The following LINGO2 variants were observed in gnomAD, a reference collection of about 807,000 sequenced individuals.
LINGO2 encodes leucine-rich repeat and immunoglobulin-like domain-containing nogo receptor-interacting protein 2.
A neutral mutation model predicts 30.6 loss-of-function variants in LINGO2; 14 were observed. That is an observed-to-expected ratio of 0.46 (90% CI 0.30 to 0.72). LINGO2 has a LOEUF of 0.72. LINGO2 is among the 30% of genes least tolerant of loss of function. LINGO2 has a pLI of 0.07. For synonymous variants in LINGO2, 317 were observed against 288.5 expected (o/e 1.10, Z -1.00); for missense variants, 729 against 751.7 (o/e 0.97, Z 0.35).
At chr9:28,878,476 A>T in the LINGO2 span, among the ~76,000 whole-genome samples, 344 of 150,484 alleles carry the variant, frequency 2.3e-3, 6 homozygotes, top group East Asian at 1.2e-3. Flanking sequence ...GAATCCTCCC[A>T]AACTCATTTT....
At chr9:28,206,099 A>C (rs1820398521) in intron 4 of LINGO2, among the ~76,000 whole-genome samples, 1 of 132,654 alleles carries the variant, frequency 7.5e-6, no homozygotes, top group African/African-American at 2.8e-5. Context: ...CAGGAGGTGG[A>C]GGTTGCAGTA....
chr9:28,870,627 G>GA, the LINGO2 span, among the ~76,000 whole-genome samples: 1 of 151,992 alleles, frequency 6.6e-6, no homozygotes, highest in African/African-American at 2.4e-5. Flanking sequence ...ATCTGGAACA[G>GA]AAAAATACCT....
chr9:29,203,397 T>C, the LINGO2 span, among the ~76,000 whole-genome samples: 3 of 152,206 alleles, frequency 2.0e-5, no homozygotes, highest in African/African-American at 7.2e-5. Flanking sequence ...ATGAACTAGA[T>C]GGTTAAGGCC....
the LINGO2 span, among the ~76,000 whole-genome samples, chr9:28,814,670 G>C: frequency 4.6e-5 from 7 of 152,196 alleles, no homozygotes; most frequent in East Asian, 1.4e-3. Flanking sequence ...GACGGATCAC[G>C]AGGTCAGGAG....
chr9:28,097,022 A>G (rs937773693), intron 4 of LINGO2, among the ~76,000 whole-genome samples: 1 of 152,118 alleles, frequency 6.6e-6, no homozygotes, highest in African/African-American at 2.4e-5. Flanking sequence ...CTTTATTATA[A>G]TAAAAGAAAC....
At chr9:28,816,666 G>C in the LINGO2 span, among the ~76,000 whole-genome samples, 2 of 152,058 alleles carry the variant, frequency 1.3e-5, no homozygotes, top group African/African-American at 4.8e-5. Context: ...AGTATCATAG[G>C]AGTTGCCTGG....
At chr9:28,839,942 A>G in the LINGO2 span, among the ~76,000 whole-genome samples, 1 of 152,072 alleles carries the variant, frequency 6.6e-6, no homozygotes, top group Non-Finnish European at 1.5e-5. Context: ...TGTGCTCATC[A>G]GTGCCCAAAG....
chr9:28,810,661 C>T, the LINGO2 span, among the ~76,000 whole-genome samples: 3 of 152,076 alleles, frequency 2.0e-5, no homozygotes, highest in African/African-American at 4.8e-5. Context: ...CACCTTCTCA[C>T]CAAAATGAAA....
chr9:28,433,914 G>GCTCGCTCTCTCTCT (rs1554720583), intron 2 of LINGO2, among the ~76,000 whole-genome samples: 1 of 83,858 alleles, frequency 1.2e-5, no homozygotes, highest in African/African-American at 4.2e-5. Flanking sequence ...AAGAAAATGT[G>GCTCGCTCTCTCTCT]CTCTCTCTTT....
At chr9:28,423,217 T>A (rs1335652801) in intron 2 of LINGO2, among the ~76,000 whole-genome samples, 1 of 152,116 alleles carries the variant, frequency 6.6e-6, no homozygotes, top group African/African-American at 2.4e-5. Flanking sequence ...TTTTAAAAAG[T>A]TTCCTTTTTT....
the LINGO2 span, among the ~76,000 whole-genome samples, chr9:29,000,324 A>T: frequency 6.6e-6 from 1 of 151,920 alleles, no homozygotes; most frequent in Non-Finnish European, 1.5e-5. Flanking sequence ...TAAATTTACT[A>T]TGCACTGCAT....
chr9:29,000,252 C>T, the LINGO2 span, among the ~76,000 whole-genome samples: 151,539 of 151,934 alleles, frequency 1, 75,573 homozygotes, highest in Middle Eastern at 1. Flanking sequence ...TCAACTGACC[C>T]CTTATTATGT....
chr9:28,711,351 T>C, the LINGO2 span, among the ~76,000 whole-genome samples: 21 of 152,192 alleles, frequency 1.4e-4, no homozygotes, highest in Admixed American at 1.2e-3. Context: ...AGTTTCCTCA[T>C]CTGTAAAATA....
intron 1 of LINGO2, among the ~76,000 whole-genome samples, chr9:28,595,696 C>T (rs888112783): frequency 6.6e-6 from 1 of 152,040 alleles, no homozygotes; most frequent in Non-Finnish European, 1.5e-5. Flanking sequence ...ATATGATTTA[C>T]TACCACAATT....
the LINGO2 span, among the ~76,000 whole-genome samples, chr9:29,022,745 T>C: frequency 6.6e-6 from 1 of 152,198 alleles, no homozygotes; most frequent in Non-Finnish European, 1.5e-5. Context: ...CATGTTCTCC[T>C]AAGCAAAGTT....
chr9:28,586,056 T>A (rs1417606016), intron 1 of LINGO2, among the ~76,000 whole-genome samples: 1 of 151,840 alleles, frequency 6.6e-6, no homozygotes, highest in Non-Finnish European at 1.5e-5. Flanking sequence ...TTTCAGAATA[T>A]CTGTGTTAAA....
At chr9:28,985,056 T>C in the LINGO2 span, among the ~76,000 whole-genome samples, 5 of 152,192 alleles carry the variant, frequency 3.3e-5, no homozygotes, top group South Asian at 1.0e-3. Context: ...GTAACCACCA[T>C]TCTATTCTGC....
chr9:28,410,379 TTAAAA>T (rs1340675643), intron 2 of LINGO2, among the ~76,000 whole-genome samples: 3 of 152,080 alleles, frequency 2.0e-5, no homozygotes, highest in Admixed American at 2.0e-4. Flanking sequence ...CACTTGCATA[TTAAAA>T]TAAAAAGTCT....
Position 28,438,113 on chromosome 9 carries a change from ATATTG to A in LINGO2, c.-279+37822_-279+37826del, listed in dbSNP as rs528564371. Among the ~76,000 whole-genome samples the A allele has an allele frequency of 1.1e-3, 164 of 152,200 alleles. 1 individual carries two copies. The highest frequency in any genetic ancestry group is 3.8e-3 in the African/African-American group (159 of 41,548). The stretch of plus-strand genomic sequence containing the variant: ...TTTCATGATGGTTCCCTTTCTGATT[ATATTG>A]ATTTCTATGGCTATTGAAAAAAATT... On this transcript the variant is annotated intron_variant, in intron 2 of 5. Coordinates refer to ENST00000379992, the Ensembl canonical transcript of LINGO2.
Sources: allele counts gnomAD v4.1 joint callset (sites outside exome capture counted in the v4.1 genomes callset), GRCh38; gene constraint gnomAD v4.1.1; transcripts MANE v1.5; gene names NCBI Gene and HGNC (gene_info 2026-07-23, HGNC 2026-07-21).